The following PDGFD variants were observed in gnomAD, a reference collection of about 807,000 sequenced individuals.
PDGFD encodes the protein platelet-derived growth factor D.
In PDGFD, 30 loss-of-function variants were observed where a neutral mutation model predicts 44.7. The observed-to-expected ratio is 0.67, with a 90% confidence interval of 0.50 to 0.91. The LOEUF (loss-of-function observed/expected upper bound fraction) is 0.91. PDGFD is among the 40% of genes least tolerant of loss of function. PDGFD has a pLI of 0.00. For missense variants in PDGFD, 445 were observed against 457.8 expected (o/e 0.97, Z 0.25); for synonymous variants, 173 against 168.4 (o/e 1.03, Z -0.21).
chr11:104,156,555 A>G (rs1308773403), intron 1 of PDGFD, among the ~76,000 whole-genome samples: 2 of 152,134 alleles, frequency 1.3e-5, no homozygotes, highest in Non-Finnish European at 2.9e-5. Flanking sequence ...GACAGCTCCC[A>G]TGCCTGGGCT....
At chr11:103,932,734 C>T (rs920461810) in intron 5 of PDGFD, among the ~76,000 whole-genome samples, 2 of 152,192 alleles carry the variant, frequency 1.3e-5, no homozygotes, top group Admixed American at 1.3e-4. Flanking sequence ...AAGAAATAGA[C>T]ACTCAATAAT....
intron 6 of PDGFD, among the ~76,000 whole-genome samples, chr11:103,921,611 A>G (rs1023203484): frequency 6.6e-6 from 1 of 152,032 alleles, no homozygotes; most frequent in Non-Finnish European, 1.5e-5. Flanking sequence ...AAGTAAAAAA[A>G]AAAAAAATCT....
intron 1 of PDGFD, among the ~76,000 whole-genome samples, chr11:104,131,801 TAAAAAAAAAAAAAA>T (rs55959221): frequency 1.4e-5 from 1 of 70,960 alleles, no homozygotes; most frequent in African/African-American, 5.6e-5. Flanking sequence ...CAATGAACTG[TAAAAAAAAAAAAAA>T]AAAAAAAAAA....
chr11:104,086,179 T>G (rs1416221210), intron 1 of PDGFD, among the ~76,000 whole-genome samples: 1 of 152,098 alleles, frequency 6.6e-6, no homozygotes, highest in Non-Finnish European at 1.5e-5. Context: ...ACAGCAATGA[T>G]GTAGTACATC....
At chr11:104,119,713 T>C (rs1194018873) in intron 1 of PDGFD, among the ~76,000 whole-genome samples, 2 of 104,908 alleles carry the variant, frequency 1.9e-5, no homozygotes, top group Non-Finnish European at 3.4e-5. Flanking sequence ...ATTAATATTA[T>C]AATATAATAT....
At chr11:103,993,808 T>C (rs1342358581) in intron 3 of PDGFD, among the ~76,000 whole-genome samples, 1 of 152,162 alleles carries the variant, frequency 6.6e-6, no homozygotes, top group Non-Finnish European at 1.5e-5. Context: ...TTGGCTTTAG[T>C]GGGCCATATT....
intron 3 of PDGFD, among the ~76,000 whole-genome samples, chr11:103,954,752 T>G (rs1428223771): frequency 6.6e-6 from 1 of 152,228 alleles, no homozygotes; most frequent in African/African-American, 2.4e-5. Context: ...GTATCTGTGC[T>G]TCTTGATTGA....
At chr11:104,086,447 A>G (rs759404959) in intron 1 of PDGFD, among the ~76,000 whole-genome samples, 12 of 152,200 alleles carry the variant, frequency 7.9e-5, no homozygotes, top group Admixed American at 7.9e-4. Flanking sequence ...CTTATAATCA[A>G]TGATATCTTA....
At chr11:103,964,068 G>A (rs1858978364) in intron 3 of PDGFD, among the ~76,000 whole-genome samples, 1 of 151,852 alleles carries the variant, frequency 6.6e-6, no homozygotes, top group South Asian at 2.1e-4. Flanking sequence ...CTCTGGGAGG[G>A]GTTTACTTCT....
chr11:104,071,385 G>A lies in PDGFD; in HGVS notation c.125-71130C>T, dbSNP rs563717137. On this transcript the variant is annotated intron_variant, in intron 1 of 6. Coordinates refer to ENST00000393158, the MANE Select transcript of PDGFD (RefSeq NM_025208.5). ...TGTGTATATATATTTGTGTGTGCAT[G>A]TGTGTATATATATATATAATATGGG... 2.3e-3 allele frequency among the ~76,000 whole-genome samples: 350 copies of A among 151,248 alleles called. 1 individual carries two copies. Among genetic ancestry groups the A allele is most frequent in the African/African-American group, 8.0e-3 (331 of 41,382 alleles).
intron 3 of PDGFD, among the ~76,000 whole-genome samples, chr11:103,977,977 T>C (rs991908751): frequency 6.6e-6 from 1 of 152,056 alleles, no homozygotes; most frequent in Non-Finnish European, 1.5e-5. Context: ...TACTGTGTAA[T>C]AAGTGCTCAG....
intron 1 of PDGFD, among the ~76,000 whole-genome samples, chr11:104,091,802 A>G (rs1438372852): frequency 6.6e-6 from 1 of 152,190 alleles, no homozygotes; most frequent in Non-Finnish European, 1.5e-5. Context: ...CATTGCAAAA[A>G]TGATCTAATG....
chr11:104,015,055 T>C (rs1055394386), intron 1 of PDGFD, among the ~76,000 whole-genome samples: 10 of 152,218 alleles, frequency 6.6e-5, no homozygotes, highest in African/African-American at 2.4e-4. Context: ...AAGGAAAAGA[T>C]AGAACTTACT....
intron 1 of PDGFD, among the ~76,000 whole-genome samples, chr11:104,052,109 T>A (rs1479419808): frequency 6.6e-6 from 1 of 152,204 alleles, no homozygotes; most frequent in Admixed American, 6.5e-5. Flanking sequence ...AGCCGAGCCA[T>A]ACAACACATG....
Position 103,909,841 on chromosome 11 carries a change from C to T in PDGFD, c.988-22G>A, listed in dbSNP as rs190378649. ...ATACCTAGGACAAGAAGCACATCTC[C>T]TGTTAGAAAGCCTTTGGAGTTCAAC... On this transcript the variant is annotated intron_variant, in intron 6 of 6. Transcript: ENST00000393158. The T allele has an allele frequency of 3.1e-6, 5 of 1,614,004 alleles. No homozygotes were observed. The East Asian group carries it at 8.9e-5, about 29-fold the overall frequency.
intron 1 of PDGFD, among the ~76,000 whole-genome samples, chr11:104,118,833 A>C (rs1455156459): frequency 1.1e-3 from 38 of 35,614 alleles, no homozygotes; most frequent in Admixed American, 2.8e-3. Flanking sequence ...TATAAATATT[A>C]ATATATAATA....
chr11:104,139,068 A>C (rs956643461), intron 1 of PDGFD, among the ~76,000 whole-genome samples: 1 of 152,166 alleles, frequency 6.6e-6, no homozygotes, highest in Non-Finnish European at 1.5e-5. Context: ...GGCTGGGTAC[A>C]GTAAATATTA....
intron 1 of PDGFD, among the ~76,000 whole-genome samples, chr11:104,129,347 C>T (rs916887801): frequency 3.3e-5 from 5 of 151,994 alleles, no homozygotes; most frequent in Admixed American, 6.6e-5. Flanking sequence ...ACATAACAGC[C>T]GCATAAAGAT....
intron 3 of PDGFD, among the ~76,000 whole-genome samples, chr11:103,973,173 C>T (rs1488955892): frequency 1.4e-4 from 21 of 146,446 alleles, no homozygotes; most frequent in African/African-American, 5.1e-4. Context: ...GAGTCTCACT[C>T]TGTCACCCAG....
Sources: allele counts gnomAD v4.1 joint callset (sites outside exome capture counted in the v4.1 genomes callset), GRCh38; gene constraint gnomAD v4.1.1; transcripts MANE v1.5; gene names NCBI Gene and HGNC (gene_info 2026-07-23, HGNC 2026-07-21).